The following GRIP1 variants were observed in gnomAD, a reference collection of about 807,000 sequenced individuals.
GRIP1 encodes glutamate receptor interacting protein 1.
Under a neutral mutation model 129.9 loss-of-function variants are expected in GRIP1, and 45 were observed. The observed-to-expected ratio is 0.35, with a 90% CI of 0.27 to 0.44. The LOEUF is 0.44. Ranked by LOEUF, GRIP1 falls within the 20% of genes least tolerant of loss-of-function variation. The probability of loss-of-function intolerance (pLI) is 1.00; values close to 1 mark genes in which losing one functional copy is unlikely to be tolerated. For synonymous variants in GRIP1, 530 were observed against 520.8 expected (o/e 1.02, Z -0.24); for missense variants, 1,196 against 1,396.8 (o/e 0.86, Z 2.29).
chr12:66,551,905 C>T lies in GRIP1; in HGVS notation c.137-9955G>A, dbSNP rs181881225. ...CAGGGCAGTATCTTATGTTGAATAA[C>T]TATTTAAATATGAAAATCCAGAACT... On this transcript the variant is annotated intron_variant, in intron 2 of 24. Coordinates refer to ENST00000359742, the MANE Select transcript of GRIP1 (RefSeq NM_001366722.1). Among the ~76,000 whole-genome samples, 5 of 152,166 alleles carry T rather than the reference C, an allele frequency of 3.3e-5. No individual in the cohort carries two copies. In the East Asian group the frequency reaches 7.7e-4, roughly 24 times the overall value.
At chr12:66,577,888 A>T (rs936988200) in intron 2 of GRIP1, among the ~76,000 whole-genome samples, 2 of 152,206 alleles carry the variant, frequency 1.3e-5, no homozygotes, top group African/African-American at 4.8e-5. Context: ...CAGGAGGTAA[A>T]GCTTTTAGTG....
chr12:66,670,762 C>T (rs1288216298), intron 1 of GRIP1, among the ~76,000 whole-genome samples: 1 of 152,124 alleles, frequency 6.6e-6, no homozygotes, highest in Non-Finnish European at 1.5e-5. Flanking sequence ...TAAGGTAGTT[C>T]TTGAGCAGGG....
chr12:66,571,240 G>A (rs1411115426), intron 2 of GRIP1, among the ~76,000 whole-genome samples: 1 of 152,148 alleles, frequency 6.6e-6, no homozygotes, highest in Non-Finnish European at 1.5e-5. Context: ...ATGTGTAAGA[G>A]AATATTTACC....
intron 1 of GRIP1, among the ~76,000 whole-genome samples, chr12:66,964,536 CCTT>C (rs2137546269): frequency 6.6e-6 from 1 of 152,232 alleles, no homozygotes; most frequent in East Asian, 1.9e-4. Context: ...ACATTCTCCT[CCTT>C]CTACTTAAAG....
chr12:66,933,671 T>C (rs1057236095), intron 1 of GRIP1, among the ~76,000 whole-genome samples: 7 of 152,176 alleles, frequency 4.6e-5, no homozygotes, highest in African/African-American at 1.7e-4. Context: ...TTTTAGTGAA[T>C]AGATACATAA....
At chr12:66,519,418 G>A (rs2060937705) in intron 5 of GRIP1, among the ~76,000 whole-genome samples, 1 of 152,126 alleles carries the variant, frequency 6.6e-6, no homozygotes, top group African/African-American at 2.4e-5. Context: ...CTTTTGCAAG[G>A]TGATCATAAA....
intron 1 of GRIP1, among the ~76,000 whole-genome samples, chr12:67,053,115 G>A (rs1282324641): frequency 2.0e-5 from 3 of 152,244 alleles, no homozygotes; most frequent in Non-Finnish European, 4.4e-5. Flanking sequence ...ATTCATTCAG[G>A]AGTCTCCCTT....
intron 1 of GRIP1, among the ~76,000 whole-genome samples, chr12:66,907,788 A>G (rs1399876542): frequency 6.6e-6 from 1 of 152,248 alleles, no homozygotes; most frequent in East Asian, 1.9e-4. Flanking sequence ...ACAGGTAGAA[A>G]AGTAAAACAG....
intron 1 of GRIP1, among the ~76,000 whole-genome samples, chr12:66,759,844 A>C (rs981388523): frequency 6.9e-6 from 1 of 145,578 alleles, no homozygotes; most frequent in African/African-American, 2.5e-5. Flanking sequence ...CTTATTGTTC[A>C]TAATACTATC....
intron 1 of GRIP1, among the ~76,000 whole-genome samples, chr12:66,919,923 T>C (rs1362377538): frequency 6.6e-6 from 1 of 152,182 alleles, no homozygotes; most frequent in Admixed American, 6.5e-5. Flanking sequence ...TACTTATCTG[T>C]ACATTGAATA....
At position 66,401,527 on chromosome 12, in the gene GRIP1, C is replaced by T. The variant is rs1336693326; in HGVS notation, c.1984+4756G>A. 4.7e-5 allele frequency among the ~76,000 whole-genome samples: 7 copies of T among 150,040 alleles called. No individual in the cohort carries two copies. In the South Asian group the frequency reaches 1.3e-3, roughly 27 times the overall value. On this transcript the variant is annotated intron_variant, in intron 16 of 24. Coordinates refer to ENST00000359742, the MANE Select transcript of GRIP1 (RefSeq NM_001366722.1). ...CTGGAAGGCGGAGGTTGCAGTGAGC[C>T]GAGATTGTGCCATTGCACTCCAGCC...
intron 1 of GRIP1, among the ~76,000 whole-genome samples, chr12:66,756,119 C>T (rs1339526151): frequency 6.6e-6 from 1 of 152,152 alleles, no homozygotes; most frequent in Non-Finnish European, 1.5e-5. Context: ...CATTGTTGGG[C>T]AACAGATCTC....
chr12:66,762,232 G>A (rs2037497720), intron 1 of GRIP1, among the ~76,000 whole-genome samples: 1 of 152,142 alleles, frequency 6.6e-6, no homozygotes, highest in Non-Finnish European at 1.5e-5. Context: ...TTCCTCAATA[G>A]TAAGTGTCAA....
intron 1 of GRIP1, among the ~76,000 whole-genome samples, chr12:66,958,626 T>A (rs1044026972): frequency 6.6e-6 from 1 of 152,228 alleles, no homozygotes; most frequent in Non-Finnish European, 1.5e-5. Context: ...CATAAATAGA[T>A]CTTCATGTGA....
chr12:66,819,226 G>C (rs1047504425), intron 1 of GRIP1, among the ~76,000 whole-genome samples: 1 of 152,094 alleles, frequency 6.6e-6, no homozygotes, highest in Admixed American at 6.6e-5. Flanking sequence ...TTTAAAGCTA[G>C]AATAATGAAT....
At chr12:66,978,681 A>C (rs2042191493) in intron 1 of GRIP1, among the ~76,000 whole-genome samples, 1 of 152,216 alleles carries the variant, frequency 6.6e-6, no homozygotes, top group African/African-American at 2.4e-5. Flanking sequence ...TCAGCCAAAA[A>C]AAGAAGTATT....
intron 1 of GRIP1, among the ~76,000 whole-genome samples, chr12:66,860,747 T>G (rs922420563): frequency 6.6e-6 from 1 of 152,060 alleles, no homozygotes; most frequent in African/African-American, 2.4e-5. Flanking sequence ...AGAATCTTAT[T>G]AAAATGCATA....
At chr12:66,955,184 G>C (rs921284792) in intron 1 of GRIP1, among the ~76,000 whole-genome samples, 5 of 152,144 alleles carry the variant, frequency 3.3e-5, no homozygotes, top group Non-Finnish European at 5.9e-5. Context: ...ACTGGGACTG[G>C]AGCAGTGGAA....
intron 1 of GRIP1, among the ~76,000 whole-genome samples, chr12:66,938,134 T>G (rs2041517515): frequency 6.6e-6 from 1 of 152,196 alleles, no homozygotes; most frequent in Non-Finnish European, 1.5e-5. Flanking sequence ...TCCCAGCACT[T>G]TGGGAGGCCA....
Sources: allele counts gnomAD v4.1 joint callset (sites outside exome capture counted in the v4.1 genomes callset), GRCh38; gene constraint gnomAD v4.1.1; transcripts MANE v1.5; gene names NCBI Gene and HGNC (gene_info 2026-07-23, HGNC 2026-07-21).